Variants in POPDC3 observed in about 807,000 individuals in gnomAD.
The protein encoded by POPDC3 is popeye domain-containing protein 3.
A neutral mutation model predicts 28.2 loss-of-function variants in POPDC3; 20 were observed. That is an observed-to-expected ratio of 0.71 (90% CI 0.50 to 1.03). POPDC3 has a LOEUF of 1.03. POPDC3 is among the 50% of genes least tolerant of loss of function. POPDC3 has a pLI of 0.00. For synonymous variants in POPDC3, 118 were observed against 124.1 expected (o/e 0.95, Z 0.33); for missense variants, 316 against 345.9 (o/e 0.91, Z 0.69).
Position 105,159,789 on chromosome 6 carries a change from C to A in POPDC3, c.516G>T (p.Leu172=). 1.9e-6 allele frequency: 3 copies of A among 1,611,378 alleles called. No homozygotes were observed. The highest frequency in any genetic ancestry group is 2.5e-6 in the Non-Finnish European group (3 of 1,178,636). The change falls in exon 3 of 4, where the codon CTG becomes CTT. Residue 172 remains leucine, a synonymous_variant. Coordinates refer to ENST00000254765, the MANE Select transcript of POPDC3 (RefSeq NM_022361.5). ...GGAACTGAAGGGGGAAAATGTAATG[C>A]AGAAATTCGCCATCAACTGTCACTC... ...RIRVTVDGEF[L]HYIFPLQFLD...
chr6:105,176,319 G>A (rs773874245), intron 1 of POPDC3, among the ~76,000 whole-genome samples: 15 of 152,124 alleles, frequency 9.9e-5, no homozygotes, highest in East Asian at 1.9e-4. Context: ...AAAATCACTC[G>A]ATTGGCTACA....
intron 1 of POPDC3, among the ~76,000 whole-genome samples, chr6:105,163,224 A>G (rs1025044756): frequency 2.6e-5 from 4 of 152,214 alleles, no homozygotes; most frequent in East Asian, 1.9e-4. Flanking sequence ...AGCTTGCATC[A>G]TATGATGAAA....
intron 1 of POPDC3, among the ~76,000 whole-genome samples, chr6:105,167,190 T>G (rs1328375288): frequency 6.6e-6 from 1 of 151,462 alleles, no homozygotes; most frequent in Non-Finnish European, 1.5e-5. Context: ...CGAAGAAGGG[T>G]TGAAGACATT....
Position 105,172,509 on chromosome 6 carries a change from C to T in POPDC3, c.-252+7324G>A, listed in dbSNP as rs977013572. On this transcript the variant is annotated intron_variant, in intron 1 of 3. Transcript: ENST00000254765. ...CTCAGGGATCTAGAACTAGAAATAC[C>T]ATTTGACCTAGCCATCCCATTACTG... Among the ~76,000 whole-genome samples the T allele has an allele frequency of 3.3e-5, 5 of 150,072 alleles. 1 individual carries two copies. The highest frequency in any genetic ancestry group is 1.2e-4 in the African/African-American group (5 of 40,716).
chr6:105,163,582 T>G (rs1774396701), intron 1 of POPDC3: 1 of 152,178 alleles, frequency 6.6e-6, no homozygotes, highest in Non-Finnish European at 1.5e-5. Flanking sequence ...CTATCAGATA[T>G]CACAGATCTT....
rs1013935484 is a variant in POPDC3 at position 105,161,831 on chromosome 6, C to T, written c.79G>A (p.Gly27Arg). The T allele has an allele frequency of 6.2e-7, 1 of 1,614,198 alleles. No individual in the cohort carries two copies. ...ATACTGGCAAGATGATAAATGGCTC[C>T]TTCGGCCTCTTGCTTCCAGGTTGTG... ...VCTTWKQEAE[G>R]AIYHLASILF... Residue 27 changes from glycine to arginine, a missense_variant, in exon 2 of 4, where the codon GGA (glycine) becomes AGA (arginine). By Grantham distance (125) the Gly-to-Arg change is moderately radical (BLOSUM62 -2). Transcript: ENST00000254765.
chr6:105,175,209 A>G (rs1774658591), intron 1 of POPDC3, among the ~76,000 whole-genome samples: 1 of 151,936 alleles, frequency 6.6e-6, no homozygotes. Context: ...ACAAAACACA[A>G]TGCAAATGTT....
At chr6:105,176,540 T>G (rs1190270) in intron 1 of POPDC3, among the ~76,000 whole-genome samples, 124,552 of 151,936 alleles carry the variant, frequency 0.82, 52,957 homozygotes, top group Non-Finnish European at 0.92. Flanking sequence ...ATAAAAGCAT[T>G]TCTTTTTAAT....
At chr6:105,166,868 T>G (rs1016642903) in intron 1 of POPDC3, among the ~76,000 whole-genome samples, 3 of 149,052 alleles carry the variant, frequency 2.0e-5, no homozygotes, top group African/African-American at 7.4e-5. Flanking sequence ...ACATAGATGG[T>G]TGTGTGTGTG....
At chr6:105,171,141 CATTTTGT>C (rs1774569569) in intron 1 of POPDC3, among the ~76,000 whole-genome samples, 1 of 152,112 alleles carries the variant, frequency 6.6e-6, no homozygotes, top group Non-Finnish European at 1.5e-5. Context: ...TTGCATTTTG[CATTTTGT>C]GTATCCCTAC....
intron 1 of POPDC3, among the ~76,000 whole-genome samples, chr6:105,167,799 C>T (rs1272264561): frequency 6.7e-6 from 1 of 150,238 alleles, no homozygotes; most frequent in Non-Finnish European, 1.5e-5. Context: ...ATATTGATTA[C>T]ATATTGAAAT....
Position 105,158,107 on chromosome 6 carries a change from C to A in POPDC3, c.*363G>T, listed in dbSNP as rs534940867. 6.6e-6 allele frequency among the ~76,000 whole-genome samples: 1 copy of A among 152,290 alleles called. No homozygotes were observed. The highest frequency in any genetic ancestry group is 2.1e-4 in the South Asian group (1 of 4,820). On this transcript the variant is annotated 3_prime_UTR_variant, in exon 4 of 4. Coordinates refer to ENST00000254765, the MANE Select transcript of POPDC3 (RefSeq NM_022361.5). The stretch of plus-strand genomic sequence containing the variant: ...GCAACCCACCCTCAGGCTGAGAATA[C>A]TTGCTGGCTCTTTCTTGAGAAGCAA...
rs760373695 is a variant in POPDC3 at position 105,161,766 on chromosome 6, G to A, written c.144C>T (p.Phe48=). ...VVGFMGGSGF[F]GLLYVFSLLG... is the part of the protein sequence containing the mutation. ...GCAAACTGAAGACATAAAGGAGCCCGAAGAATCCACTGCCACCCATGAAAC... is the reference window on the plus strand; with the variant it reads ...GCAAACTGAAGACATAAAGGAGCCCAAAGAATCCACTGCCACCCATGAAAC... The change falls in exon 2 of 4, where the codon TTC becomes TTT. Residue 48 remains phenylalanine, a synonymous_variant. Transcript: ENST00000254765. The A allele has an allele frequency of 2.7e-5, 43 of 1,614,000 alleles. No individual in the cohort carries two copies. Among genetic ancestry groups the A allele is most frequent in the East Asian group, 6.7e-5 (3 of 44,902 alleles).
chr6:105,160,658 T>C (rs1339774659), intron 2 of POPDC3, among the ~76,000 whole-genome samples: 1 of 152,202 alleles, frequency 6.6e-6, no homozygotes, highest in Non-Finnish European at 1.5e-5. Context: ...AGTGGCGCGA[T>C]CTCAGCTCAC....
chr6:105,173,619 C>T (rs760786281), intron 1 of POPDC3, among the ~76,000 whole-genome samples: 16 of 152,230 alleles, frequency 1.1e-4, no homozygotes, highest in East Asian at 7.7e-4. Flanking sequence ...AAGACTTGGC[C>T]GAGTTAGAAT....
Position 105,161,862 on chromosome 6 carries a change from TG to T in POPDC3, c.47del (p.Pro16GlnfsTer23), listed in dbSNP as rs1220730494. On this transcript the variant is annotated frameshift_variant, in exon 2 of 4. Coordinates refer to ENST00000254765, the MANE Select transcript of POPDC3 (RefSeq NM_022361.5). LOFTEE classifies it high-confidence loss of function. ...CCTCTTGCTTCCAGGTTGTGCAGAC[TG>T]GGTGTTCATCTATTAGGTTCTTCCA... ...SLWKNLIDEH[P>X]VCTTWKQEAE... is the part of the protein sequence containing the mutation. 6.2e-7 allele frequency: 1 copy of T among 1,612,842 alleles called. No individual in the cohort carries two copies. The highest frequency in any genetic ancestry group is 1.7e-5 in the Admixed American group (1 of 59,724).
intron 3 of POPDC3, 49 bp downstream of exon 3, chr6:105,159,662 C>T (rs769973816): frequency 1.0e-6 from 1 of 998,420 alleles, no homozygotes; most frequent in South Asian, 1.4e-5. Context: ...TTTAAACAAA[C>T]ATCTGTTTGA....
intron 3 of POPDC3, chr6:105,158,994 G>T: frequency 3.0e-6 from 1 of 338,354 alleles, no homozygotes; most frequent in Non-Finnish European, 5.3e-6. Context: ...CTAAGTTCCA[G>T]TATCTACATT....
intron 2 of POPDC3, 46 bp from the exon 3 acceptor site, chr6:105,159,865 G>A: frequency 7.5e-7 from 1 of 1,330,632 alleles, no homozygotes; most frequent in Non-Finnish European, 1.1e-6. Flanking sequence ...GAGAAAGAGA[G>A]CACATAATTG....
Sources: gnomAD v4.1 joint callset for allele counts (sites outside exome capture counted in the v4.1 genomes callset) on GRCh38, gnomAD v4.1.1 for gene constraint, MANE v1.5 for transcripts, NCBI Gene and HGNC (gene_info 2026-07-23, HGNC 2026-07-21) for gene names.